The following MAGI2 variants were observed in gnomAD, a reference collection of about 807,000 sequenced individuals.
MAGI2 encodes the protein membrane-associated guanylate kinase, WW and PDZ domain-containing protein 2.
A neutral mutation model predicts 133.3 loss-of-function variants in MAGI2; 35 were observed. The ratio of observed to expected loss-of-function variants is 0.26; its 90% CI spans 0.20 to 0.35. MAGI2 has a LOEUF of 0.35. Among genes scored for constraint, MAGI2 ranks in the 10% least tolerant of loss-of-function variants. MAGI2 has a pLI of 1.00. For missense variants in MAGI2, 1,636 were observed against 1,863.4 expected, an observed-to-expected ratio of 0.88 and a Z score of 2.25; for synonymous variants, 729 against 710.6, an observed-to-expected ratio of 1.03 and a Z score of -0.41.
intron 10 of MAGI2, among the ~76,000 whole-genome samples, chr7:78,231,498 A>C (rs1472738580): frequency 6.6e-6 from 1 of 152,248 alleles, no homozygotes; most frequent in East Asian, 1.9e-4. Flanking sequence ...CTTTCTTGAA[A>C]TTAAAATGAT....
chr7:78,044,678 C>CGTGTGT (rs58076536), intron 21 of MAGI2, among the ~76,000 whole-genome samples: 14,490 of 126,276 alleles, frequency 0.11, 768 homozygotes, highest in African/African-American at 0.18. Flanking sequence ...GCTAATGTAC[C>CGTGTGT]GTGTGTGTGT....
chr7:78,581,309 G>C (rs1161129224), intron 3 of MAGI2, among the ~76,000 whole-genome samples: 1 of 152,168 alleles, frequency 6.6e-6, no homozygotes, highest in Non-Finnish European at 1.5e-5. Flanking sequence ...TTCTCTCCAA[G>C]GGAGTTGCTT....
intron 1 of MAGI2, among the ~76,000 whole-genome samples, chr7:79,244,194 A>AT (rs1832647898): frequency 6.6e-6 from 1 of 152,232 alleles, no homozygotes; most frequent in African/African-American, 2.4e-5. Context: ...AGACAGAGTA[A>AT]GATGGCTAAA....
chr7:79,295,412 T>C (rs1352230248), intron 1 of MAGI2, among the ~76,000 whole-genome samples: 1 of 152,150 alleles, frequency 6.6e-6, no homozygotes, highest in Admixed American at 6.5e-5. Flanking sequence ...CTGCAGTATA[T>C]CCAATGGAAG....
At chr7:78,559,523 A>G (rs1296371102) in intron 3 of MAGI2, among the ~76,000 whole-genome samples, 2 of 152,196 alleles carry the variant, frequency 1.3e-5, no homozygotes, top group Admixed American at 6.5e-5. Context: ...ATAAAGAATT[A>G]TCAAAGGGCA....
chr7:78,669,201 A>G (rs1814022363), intron 2 of MAGI2, among the ~76,000 whole-genome samples: 1 of 152,198 alleles, frequency 6.6e-6, no homozygotes, highest in African/African-American at 2.4e-5. Flanking sequence ...AAAAGAGTGA[A>G]GAATCAAATA....
At chr7:79,390,452 G>T (rs575648744) in intron 1 of MAGI2, among the ~76,000 whole-genome samples, 1 of 152,224 alleles carries the variant, frequency 6.6e-6, no homozygotes, top group South Asian at 2.1e-4. Context: ...TATAGCAATA[G>T]AAATAGAGCA....
chr7:79,266,337 T>C (rs1834456842), intron 1 of MAGI2, among the ~76,000 whole-genome samples: 1 of 150,438 alleles, frequency 6.6e-6, no homozygotes, highest in African/African-American at 2.4e-5. Context: ...TCACACACTG[T>C]GGGAGCTAAA....
chr7:78,288,579 C>T (rs893487158), intron 9 of MAGI2, among the ~76,000 whole-genome samples: 6 of 152,138 alleles, frequency 3.9e-5, no homozygotes, highest in African/African-American at 1.4e-4. Context: ...TCTGCATTTC[C>T]AACTGAGCTT....
chr7:78,731,417 G>A (rs1821358375), intron 2 of MAGI2, among the ~76,000 whole-genome samples: 1 of 152,048 alleles, frequency 6.6e-6, no homozygotes, highest in African/African-American at 2.4e-5. Context: ...AGAAAGCAGT[G>A]AAAACAAATA....
chr7:78,223,479 T>A (rs1310614352), intron 10 of MAGI2, among the ~76,000 whole-genome samples: 1 of 152,100 alleles, frequency 6.6e-6, no homozygotes, highest in African/African-American at 2.4e-5. Context: ...AGCAATCCAA[T>A]TTAGGGGAGA....
intron 1 of MAGI2, among the ~76,000 whole-genome samples, chr7:79,052,503 C>T (rs1812765621): frequency 6.6e-6 from 1 of 152,194 alleles, no homozygotes; most frequent in South Asian, 2.1e-4. Flanking sequence ...AGAAATGGCT[C>T]TGGGATGTTG....
At chr7:78,995,702 C>T (rs980537394) in intron 2 of MAGI2, among the ~76,000 whole-genome samples, 16 of 152,042 alleles carry the variant, frequency 1.1e-4, no homozygotes, top group African/African-American at 3.9e-4. Context: ...TGCTGGTAGA[C>T]TTCATTGCTT....
chr7:78,701,772 C>G (rs1198376922), intron 2 of MAGI2, among the ~76,000 whole-genome samples: 1 of 151,920 alleles, frequency 6.6e-6, no homozygotes, highest in Non-Finnish European at 1.5e-5. Context: ...CTTGTTTATT[C>G]TCCCAAACAC....
chr7:79,400,440 A>G (rs950365390), intron 1 of MAGI2, among the ~76,000 whole-genome samples: 3 of 152,208 alleles, frequency 2.0e-5, no homozygotes, highest in Non-Finnish European at 4.4e-5. Flanking sequence ...TTAGAGTTAC[A>G]AAAGCTATCT....
intron 1 of MAGI2, among the ~76,000 whole-genome samples, chr7:79,450,786 G>T (rs1257460110): frequency 6.6e-6 from 1 of 152,114 alleles, no homozygotes; most frequent in Non-Finnish European, 1.5e-5. Flanking sequence ...CTGGCATATG[G>T]TCATTTCAGC....
chr7:78,669,029 A>C (rs1368941991), intron 2 of MAGI2, among the ~76,000 whole-genome samples: 1 of 152,136 alleles, frequency 6.6e-6, no homozygotes, highest in Non-Finnish European at 1.5e-5. Flanking sequence ...GCAAGGGCAA[A>C]CACATTCAAA....
At chr7:79,127,278 T>C (rs1820504793) in intron 1 of MAGI2, among the ~76,000 whole-genome samples, 2 of 152,194 alleles carry the variant, frequency 1.3e-5, no homozygotes, top group African/African-American at 4.8e-5. Flanking sequence ...CATGTGTCTT[T>C]ATAGCACATG....
intron 2 of MAGI2, among the ~76,000 whole-genome samples, chr7:78,735,615 T>C (rs1249297184): frequency 6.6e-6 from 1 of 152,212 alleles, no homozygotes; most frequent in Non-Finnish European, 1.5e-5. Context: ...AGAACAAATC[T>C]TTGCAAAACA....
Sources: gnomAD v4.1 joint callset for allele counts (sites outside exome capture counted in the v4.1 genomes callset) on GRCh38, gnomAD v4.1.1 for gene constraint, MANE v1.5 for transcripts, NCBI Gene and HGNC (gene_info 2026-07-23, HGNC 2026-07-21) for gene names.